Variants in CCDC73 observed in about 807,000 individuals in gnomAD.
CCDC73 encodes coiled-coil domain containing 73, also known as coiled-coil domain-containing protein 73.
Under a neutral mutation model 116.5 loss-of-function variants are expected in CCDC73, and 95 were observed. The ratio of observed to expected loss-of-function variants is 0.82; its 90% CI spans 0.69 to 0.97. The LOEUF is 0.97. Ranked by LOEUF, CCDC73 falls within the 50% of genes least tolerant of loss-of-function variation. The pLI is 0.00. For synonymous variants in CCDC73, 398 were observed against 401.3 expected, an observed-to-expected ratio of 0.99 and a Z score of 0.10; for missense variants, 1,066 against 1,206.8, an observed-to-expected ratio of 0.88 and a Z score of 1.73.
chr11:32,820,398 C>G, the CCDC73 span, among the ~76,000 whole-genome samples: 1 of 152,166 alleles, frequency 6.6e-6, no homozygotes. Flanking sequence ...TCAAGCAATC[C>G]TCATGCCTCA....
At chr11:32,747,365 T>TC (rs1191248313) in intron 2 of CCDC73, among the ~76,000 whole-genome samples, 1 of 152,126 alleles carries the variant, frequency 6.6e-6, no homozygotes, top group African/African-American at 2.4e-5. Context: ...CTGGGAGATC[T>TC]CCCAGTCAGG....
chr11:32,714,457 T>G (rs1461394869), intron 3 of CCDC73, among the ~76,000 whole-genome samples: 1 of 152,170 alleles, frequency 6.6e-6, no homozygotes, highest in Admixed American at 6.5e-5. Flanking sequence ...TTCTTCTATA[T>G]GACCAAAAGC....
At chr11:32,667,378 C>T (rs1201584183) in intron 9 of CCDC73, among the ~76,000 whole-genome samples, 5 of 152,252 alleles carry the variant, frequency 3.3e-5, no homozygotes. Flanking sequence ...GCCCCTCCCC[C>T]AGCCTCGCTG....
chr11:32,789,075 C>T (rs1850651206), intron 1 of CCDC73, among the ~76,000 whole-genome samples: 2 of 152,124 alleles, frequency 1.3e-5, no homozygotes, highest in African/African-American at 4.8e-5. Flanking sequence ...TAGTGCAATT[C>T]TAGCTGTCAA....
intron 12 of CCDC73, among the ~76,000 whole-genome samples, chr11:32,648,731 A>G (rs141102620): frequency 1.3e-5 from 2 of 152,220 alleles, no homozygotes; most frequent in African/African-American, 4.8e-5. Context: ...TTGTATTTTT[A>G]GTAGAGGTGG....
chr11:32,798,914 T>TGG, upstream of CCDC73, among the ~76,000 whole-genome samples: 2 of 92,862 alleles, frequency 2.2e-5, no homozygotes, highest in East Asian at 4.4e-4. Context: ...TTTGTTTGTT[T>TGG]TGGGGGGGGG....
intron 3 of CCDC73, among the ~76,000 whole-genome samples, chr11:32,708,099 T>A (rs79105967): frequency 0.013 from 2,015 of 152,318 alleles, 19 homozygotes; most frequent in Non-Finnish European, 0.022. Context: ...GAGATGAGGT[T>A]CTAGCTTCAT....
intron 14 of CCDC73, among the ~76,000 whole-genome samples, chr11:32,627,866 T>C (rs1855591128): frequency 6.6e-6 from 1 of 152,182 alleles, no homozygotes; most frequent in South Asian, 2.1e-4. Context: ...ATATACCTAA[T>C]GTTAAATGAC....
At chr11:32,666,080 G>A (rs183335572) in intron 9 of CCDC73, among the ~76,000 whole-genome samples, 149 of 152,228 alleles carry the variant, frequency 9.8e-4, no homozygotes, top group African/African-American at 3.4e-3. Context: ...TTTCTCTCTG[G>A]CTGCCCTTAA....
intron 12 of CCDC73, among the ~76,000 whole-genome samples, chr11:32,650,111 G>A (rs764567968): frequency 1.3e-5 from 2 of 152,084 alleles, no homozygotes. Context: ...CTGTATATAG[G>A]CTCTGTAGAA....
intron 12 of CCDC73, among the ~76,000 whole-genome samples, chr11:32,646,699 G>A (rs1359282662): frequency 6.6e-6 from 1 of 151,970 alleles, no homozygotes; most frequent in African/African-American, 2.4e-5. Context: ...ATTGGTATTG[G>A]GCAAGATAAA....
At chr11:32,784,240 G>A (rs1330500484) in intron 1 of CCDC73, among the ~76,000 whole-genome samples, 1 of 151,942 alleles carries the variant, frequency 6.6e-6, no homozygotes, top group East Asian at 1.9e-4. Context: ...TGAGGCAGGA[G>A]AATCGCTTGA....
At chr11:32,829,889 C>T in the CCDC73 span, 5 of 985,408 alleles carry the variant, frequency 5.1e-6, no homozygotes, top group Non-Finnish European at 6.0e-6. Flanking sequence ...GGAGGTGGGG[C>T]GCGGCCAGGT....
chr11:32,752,903 A>G (rs1468345255), intron 2 of CCDC73, among the ~76,000 whole-genome samples: 1 of 152,164 alleles, frequency 6.6e-6, no homozygotes, highest in Non-Finnish European at 1.5e-5. Flanking sequence ...GCTGGGATTA[A>G]GTGATCCTCC....
At chr11:32,675,492 C>A (rs1486039960) in intron 9 of CCDC73, 73 bp downstream of exon 9, 1 of 926,602 alleles carries the variant, frequency 1.1e-6, no homozygotes, top group Non-Finnish European at 1.6e-6. Context: ...CCCAACTGTC[C>A]TCTAGTAATA....
At chr11:32,637,802 C>G (rs1220836582) in intron 13 of CCDC73, among the ~76,000 whole-genome samples, 1 of 152,120 alleles carries the variant, frequency 6.6e-6, no homozygotes, top group Non-Finnish European at 1.5e-5. Flanking sequence ...TCACCTATAA[C>G]TTCAAATTTC....
intron 10 of CCDC73, 138 bp downstream of exon 10, chr11:32,654,706 A>T (rs909686428): frequency 3.1e-5 from 21 of 671,032 alleles, no homozygotes; most frequent in Admixed American, 1.1e-4. Flanking sequence ...AAAAATTAAT[A>T]AAAAAACAGA....
chr11:32,644,984 T>C (rs1855764522), intron 12 of CCDC73, among the ~76,000 whole-genome samples: 1 of 152,192 alleles, frequency 6.6e-6, no homozygotes, highest in Non-Finnish European at 1.5e-5. Context: ...CCATAGTTTG[T>C]TTACACATTG....
In CCDC73 at chr11:32,666,037, T is replaced by C. The variant is rs755403933; in HGVS notation, c.645+9528A>G. Among the ~76,000 whole-genome samples the C allele has an allele frequency of 8.1e-4, 124 of 152,260 alleles. 1 individual carries two copies. The highest frequency in any genetic ancestry group is 9.2e-4 in the Admixed American group (14 of 15,286). ...TTTCTGCTGAGATATCTGCTGTTAG[T>C]CTGATGGGCTTCCCTTTGTGGGTAA... On this transcript the variant is annotated intron_variant, in intron 9 of 17. Transcript: ENST00000335185.
Sources: gnomAD v4.1 joint callset for allele counts (sites outside exome capture counted in the v4.1 genomes callset) on GRCh38, gnomAD v4.1.1 for gene constraint, MANE v1.5 for transcripts, NCBI Gene and HGNC (gene_info 2026-07-23, HGNC 2026-07-21) for gene names.